Variants in SAMD12 observed in about 807,000 individuals in gnomAD.
SAMD12 encodes sterile alpha motif domain containing 12, also known as sterile alpha motif domain-containing protein 12.
A neutral mutation model predicts 15.0 loss-of-function variants in SAMD12; 9 were observed. The observed-to-expected ratio is 0.60, with a 90% CI of 0.36 to 1.05. SAMD12 has a LOEUF of 1.05. Among genes scored for constraint, SAMD12 ranks in the 50% least tolerant of loss-of-function variants. The pLI, the probability that SAMD12 is intolerant of heterozygous loss-of-function variation, is 0.01. For missense variants in SAMD12, 230 were observed against 234.2 expected (o/e 0.98, Z 0.12); for synonymous variants, 86 against 90.1 (o/e 0.96, Z 0.25).
chr8:118,569,581 A>G (rs930321995), intron 2 of SAMD12, among the ~76,000 whole-genome samples: 1 of 152,138 alleles, frequency 6.6e-6, no homozygotes, highest in Non-Finnish European at 1.5e-5. Context: ...GGCCTTTGAG[A>G]GGTAATTACG....
intron 3 of SAMD12, among the ~76,000 whole-genome samples, chr8:118,397,883 C>T (rs1563828437): frequency 2.0e-5 from 3 of 152,138 alleles, no homozygotes; most frequent in Admixed American, 6.5e-5. Context: ...TCTTCGACTT[C>T]CTGGGCTCAA....
At chr8:118,274,420 G>T (rs1163139459) in intron 4 of SAMD12, among the ~76,000 whole-genome samples, 3 of 152,124 alleles carry the variant, frequency 2.0e-5, no homozygotes, top group African/African-American at 7.2e-5. Context: ...CATTCATAAT[G>T]ATGTTTTGTT....
chr8:118,333,822 G>GGT (rs1394160406), intron 4 of SAMD12, among the ~76,000 whole-genome samples: 13 of 151,514 alleles, frequency 8.6e-5, no homozygotes, highest in South Asian at 2.1e-4. Flanking sequence ...CCATGCCTCT[G>GGT]GTGTGTGTGT....
chr8:118,494,329 T>G (rs754401264), intron 2 of SAMD12, among the ~76,000 whole-genome samples: 1 of 152,186 alleles, frequency 6.6e-6, no homozygotes, highest in Non-Finnish European at 1.5e-5. Flanking sequence ...AGGATATAAA[T>G]TTGTGTTTTT....
chr8:118,233,781 C>T (rs1405599687), intron 4 of SAMD12, among the ~76,000 whole-genome samples: 1 of 152,212 alleles, frequency 6.6e-6, no homozygotes, highest in African/African-American at 2.4e-5. Context: ...GAAAGGCCCA[C>T]ATAGCACTTT....
chr8:118,500,235 C>T (rs1824746364), intron 2 of SAMD12, among the ~76,000 whole-genome samples: 1 of 151,790 alleles, frequency 6.6e-6, no homozygotes, highest in South Asian at 2.1e-4. Flanking sequence ...TGCGCCACTA[C>T]ACCCAGCTCA....
chr8:118,361,677 G>T (rs989271498), intron 4 of SAMD12, among the ~76,000 whole-genome samples: 1 of 152,054 alleles, frequency 6.6e-6, no homozygotes, highest in African/African-American at 2.4e-5. Flanking sequence ...ACACACAGAC[G>T]CACGTGTGTG....
intron 4 of SAMD12, among the ~76,000 whole-genome samples, chr8:118,267,038 G>C (rs1405355511): frequency 6.6e-6 from 1 of 151,994 alleles, no homozygotes; most frequent in Non-Finnish European, 1.5e-5. Flanking sequence ...TAGTTGGCTT[G>C]ACTTAGCCAT....
At chr8:118,379,829 G>GAAGACCTT in intron 3 of SAMD12, 129 bp from the exon 4 acceptor site, 1 of 1,170,832 alleles carries the variant, frequency 8.5e-7, no homozygotes, top group Non-Finnish European at 1.2e-6. Flanking sequence ...TAGAATAAAG[G>GAAGACCTT]TCTTCCATTA....
At chr8:118,202,533 G>A (rs929395410) in intron 4 of SAMD12, among the ~76,000 whole-genome samples, 3 of 152,176 alleles carry the variant, frequency 2.0e-5, no homozygotes, top group African/African-American at 7.2e-5. Flanking sequence ...CTTGGCAAAA[G>A]GTTCAATAAC....
chr8:118,134,560 A>G, the SAMD12 span, among the ~76,000 whole-genome samples: 1 of 152,130 alleles, frequency 6.6e-6, no homozygotes. Context: ...TTTCAGGCCC[A>G]CTCTAGACCT....
At chr8:118,468,024 T>C (rs1278123784) in intron 2 of SAMD12, among the ~76,000 whole-genome samples, 5 of 152,214 alleles carry the variant, frequency 3.3e-5, no homozygotes, top group Admixed American at 6.5e-5. Context: ...CTCTTTTTCC[T>C]TCAGTAATCT....
At chr8:118,503,923 A>G (rs1406991235) in intron 2 of SAMD12, among the ~76,000 whole-genome samples, 2 of 152,124 alleles carry the variant, frequency 1.3e-5, no homozygotes, top group African/African-American at 4.8e-5. Flanking sequence ...AGTAGGGGTC[A>G]TACCTCAAAC....
intron 3 of SAMD12, among the ~76,000 whole-genome samples, chr8:118,438,294 T>G (rs1482015852): frequency 6.6e-6 from 1 of 152,220 alleles, no homozygotes; most frequent in African/African-American, 2.4e-5. Flanking sequence ...GTTTGTTAAC[T>G]CAACTTGAGC....
intron 4 of SAMD12, among the ~76,000 whole-genome samples, chr8:118,265,618 T>C (rs1490427994): frequency 2.0e-5 from 3 of 151,956 alleles, no homozygotes; most frequent in Non-Finnish European, 2.9e-5. Context: ...CAGTTGGAAC[T>C]AGATTCCCTC....
chr8:118,618,363 G>A (rs1433393295), intron 1 of SAMD12, among the ~76,000 whole-genome samples: 1 of 152,250 alleles, frequency 6.6e-6, no homozygotes, highest in African/African-American at 2.4e-5. Flanking sequence ...GTTACACATA[G>A]TAAAAAACCT....
intron 2 of SAMD12, among the ~76,000 whole-genome samples, chr8:118,502,691 A>G (rs7012021): frequency 7.7e-4 from 117 of 152,376 alleles, no homozygotes; most frequent in African/African-American, 2.8e-3. Context: ...AGCCACCGCT[A>G]TAATTTTGAA....
chr8:118,387,627 T>C (rs1273255817), intron 3 of SAMD12, among the ~76,000 whole-genome samples: 1 of 152,184 alleles, frequency 6.6e-6, no homozygotes, highest in Non-Finnish European at 1.5e-5. Context: ...GAAGGCCTTA[T>C]ACCTAATAAC....
chr8:118,141,489 C>T, the SAMD12 span, among the ~76,000 whole-genome samples: 1 of 152,180 alleles, frequency 6.6e-6, no homozygotes, highest in African/African-American at 2.4e-5. Flanking sequence ...ATAACAGAAT[C>T]AAATCTGAAG....
Sources: allele counts gnomAD v4.1 joint callset (sites outside exome capture counted in the v4.1 genomes callset), GRCh38; gene constraint gnomAD v4.1.1; transcripts MANE v1.5; gene names NCBI Gene and HGNC (gene_info 2026-07-23, HGNC 2026-07-21).